The following NCAM2 variants were observed in gnomAD, a reference collection of about 807,000 sequenced individuals.
The protein encoded by NCAM2 is neural cell adhesion molecule 2.
Under a neutral mutation model 98.1 loss-of-function variants are expected in NCAM2, and 30 were observed. The ratio of observed to expected loss-of-function variants is 0.31; its 90% confidence interval spans 0.23 to 0.41. The LOEUF (loss-of-function observed/expected upper bound fraction) is 0.41. Ranked by LOEUF, NCAM2 falls within the 10% of genes least tolerant of loss-of-function variation. NCAM2 has a pLI of 1.00. For missense variants in NCAM2, 867 were observed against 1,005.8 expected (o/e 0.86, Z 1.87); for synonymous variants, 368 against 342.4 (o/e 1.07, Z -0.83).
intron 1 of NCAM2, among the ~76,000 whole-genome samples, chr21:21,201,103 C>T (rs752560183): frequency 2.6e-5 from 4 of 151,990 alleles, no homozygotes; most frequent in African/African-American, 7.3e-5. Flanking sequence ...ACCGTGTGTG[C>T]GGATTACTAA....
At chr21:21,508,804 T>C in intron 15 of NCAM2, 47 bp from the exon 16 acceptor site, 1 of 1,196,702 alleles carries the variant, frequency 8.4e-7, no homozygotes, top group Non-Finnish European at 1.1e-6. Context: ...TAATACTTTT[T>C]TTCCTTTTTT....
intron 1 of NCAM2, among the ~76,000 whole-genome samples, chr21:21,190,874 A>G (rs11702660): frequency 0.79 from 120,694 of 152,086 alleles, 51,479 homozygotes; most frequent in Non-Finnish European, 0.96. Flanking sequence ...GTAAAGTAGC[A>G]TATGTAAAGC....
intron 1 of NCAM2, among the ~76,000 whole-genome samples, chr21:21,176,237 A>T (rs930316256): frequency 1.3e-5 from 2 of 152,148 alleles, no homozygotes; most frequent in African/African-American, 4.8e-5. Flanking sequence ...GAACTCTTAG[A>T]TCAAATCAAT....
rs140223081 is a variant in NCAM2 at position 21,275,864 on chromosome 21, A to G, written c.56-4714A>G. 3.5e-3 allele frequency among the ~76,000 whole-genome samples: 532 copies of G among 152,200 alleles called. 4 individuals carry two copies. Among genetic ancestry groups the G allele is most frequent in the African/African-American group, 0.012 (500 of 41,536 alleles). ...GTGTTTACCAAATGCCAATTTTATC[A>G]TGTATGTTTTTATTTATAAGTAATT... On this transcript the variant is annotated intron_variant, in intron 1 of 17. Transcript: ENST00000400546.
chr21:21,431,609 T>A (rs1179631263), intron 11 of NCAM2, among the ~76,000 whole-genome samples: 1 of 152,076 alleles, frequency 6.6e-6, no homozygotes, highest in Non-Finnish European at 1.5e-5. Context: ...AATACTGACA[T>A]TTTTCTCAAA....
At chr21:21,524,145 G>A (rs1359435246) in intron 16 of NCAM2, among the ~76,000 whole-genome samples, 2 of 152,014 alleles carry the variant, frequency 1.3e-5, no homozygotes, top group Admixed American at 1.3e-4. Flanking sequence ...AGCAGGAATG[G>A]AAATATTGAT....
intron 12 of NCAM2, among the ~76,000 whole-genome samples, chr21:21,461,705 G>A (rs563152849): frequency 6.7e-6 from 1 of 150,342 alleles, no homozygotes; most frequent in Non-Finnish European, 1.5e-5. Flanking sequence ...TTAAAGTACT[G>A]TTAAAAAAAC....
At chr21:21,431,123 TTGTG>T (rs3037969) in intron 11 of NCAM2, among the ~76,000 whole-genome samples, 9 of 141,190 alleles carry the variant, frequency 6.4e-5, no homozygotes, top group African/African-American at 1.3e-4. Context: ...TAATATATGT[TTGTG>T]TGTGTGTGTG....
chr21:21,354,257 C>T (rs932733372), intron 8 of NCAM2, among the ~76,000 whole-genome samples: 3 of 152,106 alleles, frequency 2.0e-5, no homozygotes, highest in African/African-American at 4.8e-5. Flanking sequence ...TCCCACTGTA[C>T]ATTGAATAAG....
rs145562484 is a variant in NCAM2 at position 21,528,413 on chromosome 21, G to A, written c.2283-6124G>A. 8.9e-4 allele frequency among the ~76,000 whole-genome samples: 136 copies of A among 152,286 alleles called. No homozygotes were observed. The South Asian group carries it at 0.012, about 13-fold the overall frequency. ...CAAATGCACCCCTCTGGTGGGAGAT[G>A]TTGCTAATGGGGGAGGCTATGCGTG... On this transcript the variant is annotated intron_variant, in intron 16 of 17. Transcript: ENST00000400546.
intron 12 of NCAM2, among the ~76,000 whole-genome samples, chr21:21,452,731 T>A (rs1374957178): frequency 9.2e-6 from 1 of 108,442 alleles, no homozygotes; most frequent in Non-Finnish European, 1.7e-5. Context: ...TTATATATTA[T>A]ATAATATATA....
intron 8 of NCAM2, among the ~76,000 whole-genome samples, chr21:21,349,649 G>A (rs1163762095): frequency 6.6e-6 from 1 of 152,120 alleles, no homozygotes; most frequent in Non-Finnish European, 1.5e-5. Context: ...TTGCAGCACT[G>A]TTACAATAAC....
chr21:21,034,511 G>A (rs2064758104), intron 1 of NCAM2, among the ~76,000 whole-genome samples: 2 of 152,046 alleles, frequency 1.3e-5, no homozygotes, highest in African/African-American at 4.8e-5. Context: ...TTCCACAGAG[G>A]TTTACATCAA....
At chr21:21,276,386 A>G (rs991167782) in intron 1 of NCAM2, among the ~76,000 whole-genome samples, 1 of 152,064 alleles carries the variant, frequency 6.6e-6, no homozygotes, top group Non-Finnish European at 1.5e-5. Context: ...TTGTTATTTC[A>G]TGCACTTCTT....
chr21:21,404,319 A>G (rs2076693036), intron 9 of NCAM2, among the ~76,000 whole-genome samples: 1 of 152,144 alleles, frequency 6.6e-6, no homozygotes, highest in South Asian at 2.1e-4. Context: ...CTTGAATTGT[A>G]GCTCCCATAA....
In NCAM2 at chr21:21,338,400, A is replaced by G. The variant is rs773338004; in HGVS notation, c.910A>G (p.Ile304Val). 3 of 1,611,298 alleles carry G rather than the reference A, an allele frequency of 1.9e-6. No homozygotes were observed. Among genetic ancestry groups the G allele is most frequent in the South Asian group, 1.1e-5 (1 of 91,006 alleles). Residue 304 changes from isoleucine to valine, a missense_variant, in exon 8 of 18, where the codon ATA becomes GTA. Ile to Val is a conservative substitution (Grantham distance 29). This residue lies in a region of NCAM2 where 447 missense variants were observed against 495.7 expected (regional missense o/e 0.90). Coordinates refer to ENST00000400546, the MANE Select transcript of NCAM2 (RefSeq NM_004540.5). ...AFLQVFVQPH[I>V]IQLKNETTYE... Reference sequence around the variant, plus strand: ...TATATTCTTTACAGTACAGCCTCACATAATACAGCTTAAAAATGAAACTAC... The same window carrying G: ...TATATTCTTTACAGTACAGCCTCACGTAATACAGCTTAAAAATGAAACTAC...
intron 1 of NCAM2, among the ~76,000 whole-genome samples, chr21:21,143,804 G>GTTTT (rs201614786): frequency 1.6e-5 from 2 of 123,426 alleles, no homozygotes; most frequent in African/African-American, 3.1e-5. Context: ...TTTTTAGGAA[G>GTTTT]TTTTTTTTTT....
chr21:21,138,998 A>G (rs2067115754), intron 1 of NCAM2, among the ~76,000 whole-genome samples: 2 of 152,206 alleles, frequency 1.3e-5, no homozygotes. Context: ...AGATATGGCC[A>G]CATCTGGATT....
Position 21,520,665 on chromosome 21 carries a change from A to G in NCAM2, c.2282+11610A>G, listed in dbSNP as rs9978606. ...AAACAAACTGAAATCAACAATTCTTAGATTCATAAGAAAAATGTGGTGTTA... is the reference window on the plus strand; with the variant it reads ...AAACAAACTGAAATCAACAATTCTTGGATTCATAAGAAAAATGTGGTGTTA... On this transcript the variant is annotated intron_variant, in intron 16 of 17. Transcript: ENST00000400546. Among the ~76,000 whole-genome samples, 1,259 of 152,316 alleles carry G rather than the reference A, an allele frequency of 8.3e-3. 16 individuals are homozygous for G. Among genetic ancestry groups the G allele is most frequent in the African/African-American group, 0.029 (1,210 of 41,578 alleles).
Sources: allele counts gnomAD v4.1 joint callset (sites outside exome capture counted in the v4.1 genomes callset), GRCh38; gene constraint gnomAD v4.1.1; regional missense constraint gnomAD v4.1.1; transcripts MANE v1.5; gene names NCBI Gene and HGNC (gene_info 2026-07-23, HGNC 2026-07-21).